The following TEKTIP1 variants were observed in gnomAD, a reference collection of about 807,000 sequenced individuals.
TEKTIP1 encodes tektin bundle interacting protein 1.
the TEKTIP1 span, chr19:3,543,822 C>A: frequency 3.6e-5 from 54 of 1,521,010 alleles, 1 homozygote; most frequent in African/African-American, 5.9e-4. Flanking sequence ...CCGAGTCCCA[C>A]CTACAGTGCT....
At chr19:3,541,642 TA>T in the TEKTIP1 span, 2 of 984,770 alleles carry the variant, frequency 2.0e-6, no homozygotes, top group African/African-American at 3.5e-5. Flanking sequence ...TTCTATTTTT[TA>T]AAAAAATGGA....
the TEKTIP1 span, among the ~76,000 whole-genome samples, chr19:3,540,942 G>A: frequency 2.0e-5 from 3 of 151,564 alleles, no homozygotes; most frequent in East Asian, 2.0e-4. Context: ...AGGCCGAGGC[G>A]GGTGGATCAC....
the TEKTIP1 span, chr19:3,540,148 C>T: frequency 1.4e-5 from 2 of 140,696 alleles, no homozygotes; most frequent in Admixed American, 7.8e-5. Flanking sequence ...GGCTAGGGTG[C>T]AGTGGCGCAA....
the TEKTIP1 span, chr19:3,543,309 C>T: frequency 1.5e-5 from 23 of 1,549,140 alleles, no homozygotes; most frequent in Non-Finnish European, 1.9e-5. Context: ...AAGTACACGC[C>T]CATGGGACGG....
chr19:3,541,583 A>G, the TEKTIP1 span: 4 of 894,050 alleles, frequency 4.5e-6, no homozygotes, highest in South Asian at 1.5e-4. Context: ...GGCCTCCCAC[A>G]GTGCTGGGAT....
chr19:3,539,355 G>A, the TEKTIP1 span: 10 of 712,994 alleles, frequency 1.4e-5, no homozygotes, highest in Admixed American at 7.3e-5. Context: ...GGTCTTGCAC[G>A]TGTCACTCGT....
chr19:3,542,794 CA>C, the TEKTIP1 span: 4 of 1,370,024 alleles, frequency 2.9e-6, no homozygotes, highest in Non-Finnish European at 3.9e-6. Context: ...GTGGGTCCCC[CA>C]GTCTTCCCTG....
At chr19:3,540,517 A>C in the TEKTIP1 span, among the ~76,000 whole-genome samples, 465 of 151,164 alleles carry the variant, frequency 3.1e-3, no homozygotes, top group Non-Finnish European at 4.5e-3. Flanking sequence ...TGGCCTCCCA[A>C]AGTGCTGGGA....
the TEKTIP1 span, chr19:3,543,611 T>C: frequency 1.3e-6 from 2 of 1,544,474 alleles, no homozygotes; most frequent in Middle Eastern, 4.3e-4. Flanking sequence ...CCCTGCCCAG[T>C]ACCAGGCCCC....
chr19:3,539,532 A>G, the TEKTIP1 span: 6 of 483,766 alleles, frequency 1.2e-5, no homozygotes, highest in Non-Finnish European at 2.2e-5. Context: ...CGGCCACAGA[A>G]ATGTTCGCCC....
the TEKTIP1 span, chr19:3,539,251 C>T: frequency 7.5e-5 from 116 of 1,548,688 alleles, no homozygotes; most frequent in South Asian, 7.9e-4. Context: ...TTCCCAGCAC[C>T]GCTGTACAGG....
At chr19:3,543,494 C>G in the TEKTIP1 span, 1 of 1,523,384 alleles carries the variant, frequency 6.6e-7, no homozygotes, top group Non-Finnish European at 8.8e-7. Context: ...CCCCCCCCGC[C>G]CTGGGCAGCG....
chr19:3,541,758 C>T, the TEKTIP1 span: 15 of 985,160 alleles, frequency 1.5e-5, no homozygotes, highest in African/African-American at 1.7e-5. Flanking sequence ...CAGGTGGGTA[C>T]GGGGCCGACA....
the TEKTIP1 span, chr19:3,542,536 C>G: frequency 7.1e-4 from 628 of 886,456 alleles, 1 homozygote; most frequent in Admixed American, 1.3e-3. Flanking sequence ...TGCAAGGGCA[C>G]GATCTCAGCT....
At chr19:3,542,996 A>G in the TEKTIP1 span, 1 of 1,591,166 alleles carries the variant, frequency 6.3e-7, no homozygotes. Flanking sequence ...AGAAAGGTTT[A>G]GTGCTGACTT....
At chr19:3,543,209 A>C in the TEKTIP1 span, 1 of 1,535,822 alleles carries the variant, frequency 6.5e-7, no homozygotes, top group Non-Finnish European at 8.8e-7. Flanking sequence ...ACATGGGCTC[A>C]GTCTCTGCCC....
chr19:3,539,193 C>A, the TEKTIP1 span: 4 of 1,550,384 alleles, frequency 2.6e-6, no homozygotes, highest in Non-Finnish European at 3.5e-6. Flanking sequence ...AACCCTCAGG[C>A]AAGAGGCTGC....
At chr19:3,543,455 G>A in the TEKTIP1 span, 1 of 1,543,414 alleles carries the variant, frequency 6.5e-7, no homozygotes. Flanking sequence ...CCAACACCGT[G>A]AGTGCAGCAT....
At chr19:3,541,986 T>C in the TEKTIP1 span, 1 of 427,070 alleles carries the variant, frequency 2.3e-6, no homozygotes, top group Admixed American at 6.4e-5. Context: ...ATTTTTGTAT[T>C]TTTAGTAGAG....
Sources: gnomAD v4.1 joint callset for allele counts (sites outside exome capture counted in the v4.1 genomes callset) on GRCh38, gnomAD v4.1.1 for gene constraint, MANE v1.5 for transcripts, NCBI Gene and HGNC (gene_info 2026-07-23, HGNC 2026-07-21) for gene names.